The following RGS12 variants were observed in gnomAD, a reference collection of about 807,000 sequenced individuals.
RGS12 encodes regulator of G protein signaling 12.
Under a neutral mutation model 120.1 loss-of-function variants are expected in RGS12, and 66 were observed. The ratio of observed to expected loss-of-function variants is 0.55; its 90% CI spans 0.45 to 0.67. RGS12 has a LOEUF of 0.67. Ranked by LOEUF, RGS12 falls within the 30% of genes least tolerant of loss-of-function variation. The pLI, the probability that RGS12 is intolerant of heterozygous loss-of-function variation, is 0.00. For missense variants in RGS12, 1,859 were observed against 1,957.7 expected (o/e 0.95, Z 0.95); for synonymous variants, 827 against 804.7 (o/e 1.03, Z -0.47).
chr4:3,361,550 A>G (rs1300008341), intron 3 of RGS12, among the ~76,000 whole-genome samples: 1 of 152,116 alleles, frequency 6.6e-6, no homozygotes, highest in Non-Finnish European at 1.5e-5. Context: ...AGAAATGGCG[A>G]GGGGCAGGCT....
At chr4:3,315,567 G>C (rs944692903) in intron 1 of RGS12, among the ~76,000 whole-genome samples, 2 of 152,212 alleles carry the variant, frequency 1.3e-5, no homozygotes, top group African/African-American at 4.8e-5. Flanking sequence ...TCTATGTCAG[G>C]GGATTTATGA....
intron 4 of RGS12, chr4:3,413,382 G>A (rs565258621): frequency 6.6e-6 from 1 of 152,246 alleles, no homozygotes; most frequent in African/African-American, 2.4e-5. Flanking sequence ...TCCCACATCG[G>A]GTCTCCTGTA....
intron 4 of RGS12, among the ~76,000 whole-genome samples, chr4:3,399,570 A>T (rs1720375668): frequency 6.6e-6 from 1 of 152,256 alleles, no homozygotes; most frequent in East Asian, 1.9e-4. Flanking sequence ...TAACAACTTT[A>T]TACTGTACAT....
At chr4:3,307,423 T>A (rs1051024462) in intron 1 of RGS12, among the ~76,000 whole-genome samples, 1 of 152,252 alleles carries the variant, frequency 6.6e-6, no homozygotes, top group Non-Finnish European at 1.5e-5. Context: ...AACTAGGAGT[T>A]ATTTATTTTA....
intron 2 of RGS12, among the ~76,000 whole-genome samples, chr4:3,336,886 A>G (rs1712535051): frequency 6.6e-6 from 1 of 152,198 alleles, no homozygotes; most frequent in Non-Finnish European, 1.5e-5. Flanking sequence ...CAAACAACCC[A>G]GTTAAAAAAT....
At chr4:3,427,154 G>A (rs1385938147) in intron 14 of RGS12, among the ~76,000 whole-genome samples, 3 of 152,190 alleles carry the variant, frequency 2.0e-5, no homozygotes, top group South Asian at 2.1e-4. Flanking sequence ...GCTGGGCCCT[G>A]ACACCCACCC....
chr4:3,293,504 C>T (rs548916830), intron 1 of RGS12, among the ~76,000 whole-genome samples: 1 of 152,030 alleles, frequency 6.6e-6, no homozygotes, highest in South Asian at 2.1e-4. Context: ...GTTCCCTCGT[C>T]GGACTCCACG....
intron 17 of RGS12, among the ~76,000 whole-genome samples, chr4:3,438,421 TGGG>T (rs1056363283): frequency 7.3e-6 from 1 of 137,248 alleles, no homozygotes; most frequent in African/African-American, 2.7e-5. Context: ...ACCGTACAGA[TGGG>T]GGGGTGGGGT....
intron 4 of RGS12, among the ~76,000 whole-genome samples, chr4:3,393,318 T>C (rs1023787830): frequency 6.6e-6 from 1 of 152,210 alleles, no homozygotes; most frequent in African/African-American, 2.4e-5. Context: ...CCCCGGCTGA[T>C]CTTTGCCTGC....
At position 3,432,811 on chromosome 4, in the gene RGS12, C is replaced by T. The variant is rs553032423; in HGVS notation, c.4114+1856C>T. ...TGGATCCTTGGCTCTTGGGCTGTCT[C>T]CTAGGAGGAGACCCAGTGAGTGGGA... On this transcript the variant is annotated intron_variant, in intron 17 of 17. Coordinates refer to ENST00000336727, the MANE Select transcript of RGS12 (RefSeq NM_001394154.1). 9.8e-5 allele frequency among the ~76,000 whole-genome samples: 15 copies of T among 152,320 alleles called. No homozygotes were observed. In the East Asian group the frequency reaches 2.7e-3, roughly 27 times the overall value.
intron 4 of RGS12, among the ~76,000 whole-genome samples, chr4:3,404,205 A>G (rs1418986979): frequency 1.3e-5 from 2 of 152,248 alleles, no homozygotes; most frequent in East Asian, 1.9e-4. Context: ...GTTCTCTTCC[A>G]TGAGAAAACC....
chr4:3,387,487 T>A (rs1718978128), intron 4 of RGS12, among the ~76,000 whole-genome samples: 1 of 152,172 alleles, frequency 6.6e-6, no homozygotes, highest in Non-Finnish European at 1.5e-5. Context: ...AGCGGCTCTG[T>A]AGGAGGAGGA....
At chr4:3,361,922 G>A (rs993573868) in intron 3 of RGS12, among the ~76,000 whole-genome samples, 1 of 152,238 alleles carries the variant, frequency 6.6e-6, no homozygotes, top group Admixed American at 6.5e-5. Flanking sequence ...TCCTGGTAGA[G>A]CTGTGTTCTT....
chr4:3,426,977 A>T (rs1163246479), intron 14 of RGS12, among the ~76,000 whole-genome samples: 1 of 152,140 alleles, frequency 6.6e-6, no homozygotes, highest in Non-Finnish European at 1.5e-5. Context: ...CGCAGGGAGC[A>T]CGTGGCTCAC....
At chr4:3,413,766 C>G (rs1471923255) in intron 4 of RGS12, 1 of 325,652 alleles carries the variant, frequency 3.1e-6, no homozygotes, top group African/African-American at 2.1e-5. Context: ...CGAGTGTGCA[C>G]GTGTGAGCAT....
rs781721881 is a variant in RGS12 at position 3,420,712 on chromosome 4, G to A, written c.2832G>A (p.Leu944=). 5.6e-6 allele frequency: 9 copies of A among 1,612,092 alleles called. No homozygotes were observed. Among genetic ancestry groups the A allele is most frequent in the Middle Eastern group, 1.6e-4 (1 of 6,062 alleles). Residue 944 remains leucine (L), a synonymous_variant, in exon 10 of 18, where the codon CTG becomes CTA. Transcript: ENST00000336727. ...GCTCTGTGTCCTCTGCGGGGAGCCT[G>A]GACCTGGTGAGTCACTGTCTCCCCT... ...SQGSVSSAGS[L]DLSEACRTLA...
At chr4:3,291,528 G>A (rs957953734), upstream of RGS12, among the ~76,000 whole-genome samples, 9 of 152,110 alleles carry the variant, frequency 5.9e-5, no homozygotes, top group African/African-American at 1.7e-4. Context: ...TTGTATTTTA[G>A]TAGAGATGGG....
At chr4:3,343,109 C>G in intron 3 of RGS12, 56 bp downstream of exon 3, 1 of 1,295,374 alleles carries the variant, frequency 7.7e-7, no homozygotes, top group Non-Finnish European at 1.1e-6. Flanking sequence ...AAATGCAAGT[C>G]CACCTTGCAG....
upstream of RGS12, among the ~76,000 whole-genome samples, chr4:3,291,484 C>CT (rs1343066395): frequency 6.6e-6 from 1 of 151,990 alleles, no homozygotes; most frequent in Non-Finnish European, 1.5e-5. Context: ...CTAGCTTCGA[C>CT]TATAGGCGCG....
Sources: allele counts gnomAD v4.1 joint callset (sites outside exome capture counted in the v4.1 genomes callset), GRCh38; gene constraint gnomAD v4.1.1; transcripts MANE v1.5; gene names NCBI Gene and HGNC (gene_info 2026-07-23, HGNC 2026-07-21).